Variants in SPIDR observed in about 807,000 individuals in gnomAD.
SPIDR encodes scaffold protein involved in DNA repair.
SPIDR carries 93 observed loss-of-function variants against 104.6 expected under a neutral mutation model. The ratio of observed to expected loss-of-function variants is 0.89; its 90% confidence interval spans 0.75 to 1.06. SPIDR has a LOEUF of 1.06. Among genes scored for constraint, SPIDR ranks in the 50% least tolerant of loss-of-function variants. SPIDR has a pLI of 0.00. For synonymous variants in SPIDR, 431 were observed against 416.9 expected, an observed-to-expected ratio of 1.03 and a Z score of -0.41; for missense variants, 1,154 against 1,111.2, an observed-to-expected ratio of 1.04 and a Z score of -0.55.
At position 47,712,815 on chromosome 8, in the gene SPIDR, G is replaced by A; in HGVS notation, c.2131G>A (p.Ala711Thr). 6.2e-7 allele frequency: 1 copy of A among 1,614,100 alleles called. No individual in the cohort carries two copies. Among genetic ancestry groups the A allele is most frequent in the Non-Finnish European group, 8.5e-7 (1 of 1,180,028 alleles). The change falls in exon 15 of 20, where the codon GCA becomes ACA. Residue 711 changes from alanine to threonine, a missense_variant. Ala to Thr is a moderately conservative substitution (Grantham distance 58). Coordinates refer to ENST00000297423, the MANE Select transcript of SPIDR (RefSeq NM_001080394.4). ...TGTGCTGGGCTCTGAAGTCCTGGAG[G>A]CACTCGCTGGGGCTGCCCCTCACAG... is the stretch of plus-strand genomic sequence containing the variant. ...LCVLGSEVLE[A>T]LAGAAPHSLF...
At chr8:47,733,991 G>A (rs1305232609) in intron 19 of SPIDR, among the ~76,000 whole-genome samples, 8 of 152,248 alleles carry the variant, frequency 5.3e-5, no homozygotes, top group East Asian at 1.9e-4. Flanking sequence ...GTCCCCCCAC[G>A]AGTTGGCGTC....
intron 8 of SPIDR, among the ~76,000 whole-genome samples, chr8:47,481,576 A>G (rs782739303): frequency 6.6e-6 from 1 of 152,206 alleles, no homozygotes; most frequent in Non-Finnish European, 1.5e-5. Context: ...GGGAGGCTCC[A>G]TCAGGGCACT....
At chr8:47,267,685 T>C (rs2034383348) in intron 1 of SPIDR, among the ~76,000 whole-genome samples, 1 of 152,222 alleles carries the variant, frequency 6.6e-6, no homozygotes, top group Non-Finnish European at 1.5e-5. Context: ...TGGCTGCGTT[T>C]TCATTGGGTT....
chr8:47,545,383 T>C (rs2089174685), intron 8 of SPIDR, among the ~76,000 whole-genome samples: 1 of 152,082 alleles, frequency 6.6e-6, no homozygotes, highest in Admixed American at 6.6e-5. Context: ...TTTCTTTCTT[T>C]TTCTAAAATT....
intron 5 of SPIDR, among the ~76,000 whole-genome samples, chr8:47,351,329 T>G (rs1414598142): frequency 1.3e-5 from 2 of 152,252 alleles, no homozygotes; most frequent in East Asian, 1.9e-4. Flanking sequence ...CAGAATTGAT[T>G]ATTATTTTGA....
At chr8:47,734,158 G>A (rs1263096033) in intron 19 of SPIDR, among the ~76,000 whole-genome samples, 6 of 152,178 alleles carry the variant, frequency 3.9e-5, no homozygotes, top group African/African-American at 1.4e-4. Context: ...GTGCCCCCAA[G>A]GCCGGTGGGA....
chr8:47,481,246 G>T (rs1554726829), intron 8 of SPIDR, among the ~76,000 whole-genome samples: 1 of 152,172 alleles, frequency 6.6e-6, no homozygotes, highest in Non-Finnish European at 1.5e-5. Context: ...GTTTTGTATT[G>T]TATGAGAGAG....
At chr8:47,489,403 A>G (rs1338098917) in intron 8 of SPIDR, among the ~76,000 whole-genome samples, 6 of 152,226 alleles carry the variant, frequency 3.9e-5, no homozygotes, top group South Asian at 2.1e-4. Flanking sequence ...GGAAGAATCA[A>G]TATTGGGAAA....
In SPIDR at chr8:47,616,909, A is replaced by G. The variant is rs556198574; in HGVS notation, c.1544+17713A>G. On this transcript the variant is annotated intron_variant, in intron 10 of 19. Coordinates refer to ENST00000297423, the MANE Select transcript of SPIDR (RefSeq NM_001080394.4). ...TGCAGCACCCCATTCGTGATAGCAC[A>G]TTACATCTCATTGTCATGTCTCCTT... is the stretch of plus-strand genomic sequence containing the variant. Among the ~76,000 whole-genome samples, 85 of 152,340 alleles carry G rather than the reference A, an allele frequency of 5.6e-4. 1 individual carries two copies. Among genetic ancestry groups the G allele is most frequent in the African/African-American group, 2.0e-3 (82 of 41,580 alleles).
chr8:47,442,488 G>C (rs980141253), intron 8 of SPIDR, among the ~76,000 whole-genome samples: 1 of 152,160 alleles, frequency 6.6e-6, no homozygotes, highest in Non-Finnish European at 1.5e-5. Flanking sequence ...GGCTTTAAAG[G>C]TAGTGTCTGG....
Position 47,440,322 on chromosome 8 carries a change from G to T in SPIDR, c.878-1G>T. ...GCTTTGTTCTTTTCTTCAACTTCTA[G>T]GTAGAAAATCTGGTGTATTAACTGT... On this transcript the variant is annotated splice_acceptor_variant, in intron 7 of 19. Transcript: ENST00000297423. LOFTEE classifies it high-confidence loss of function. 6.2e-7 allele frequency: 1 copy of T among 1,613,174 alleles called. No individual in the cohort carries two copies. Among genetic ancestry groups the T allele is most frequent in the Non-Finnish European group, 8.5e-7 (1 of 1,179,210 alleles).
intron 8 of SPIDR, among the ~76,000 whole-genome samples, chr8:47,563,064 G>T (rs1247453321): frequency 6.7e-6 from 1 of 149,908 alleles, no homozygotes; most frequent in Non-Finnish European, 1.5e-5. Context: ...GTCAATGAAG[G>T]AAAGAAATAA....
intron 8 of SPIDR, among the ~76,000 whole-genome samples, chr8:47,480,728 A>G (rs1047158663): frequency 2.5e-4 from 38 of 152,226 alleles, no homozygotes; most frequent in African/African-American, 8.7e-4. Flanking sequence ...AGTCTGGAAA[A>G]GGCACAGCAT....
At chr8:47,335,240 G>A (rs918452902) in intron 5 of SPIDR, among the ~76,000 whole-genome samples, 6 of 152,014 alleles carry the variant, frequency 3.9e-5, no homozygotes, top group African/African-American at 1.4e-4. Flanking sequence ...CTGAATTTCC[G>A]ACCTATATTA....
intron 8 of SPIDR, among the ~76,000 whole-genome samples, chr8:47,491,153 T>C (rs1554739142): frequency 6.6e-6 from 1 of 152,166 alleles, no homozygotes; most frequent in Non-Finnish European, 1.5e-5. Context: ...ACAGAAGTTG[T>C]TAAAACAGTA....
chr8:47,713,039 G>T lies in SPIDR; in HGVS notation c.2188+167G>T, dbSNP rs910843762. On this transcript the variant is annotated intron_variant, in intron 15 of 19. Coordinates refer to ENST00000297423, the MANE Select transcript of SPIDR (RefSeq NM_001080394.4). ...CCAGCCTCCAGCCTTCACTGACCCT[G>T]TAGCAGCCACCTGGGCAGAACCAGC... 2.2e-6 allele frequency: 3 copies of T among 1,388,308 alleles called. No individual in the cohort carries two copies. The African/African-American group carries it at 4.4e-5, about 20-fold the overall frequency. 86.0% of individuals were successfully genotyped at this position (1,388,308 alleles called of 1,614,324 possible).
intron 6 of SPIDR, among the ~76,000 whole-genome samples, chr8:47,403,822 T>A (rs1033979395): frequency 4.6e-5 from 7 of 152,162 alleles, no homozygotes; most frequent in African/African-American, 1.7e-4. Context: ...AAGCTACCAA[T>A]GACTTTCTTC....
intron 7 of SPIDR, among the ~76,000 whole-genome samples, chr8:47,430,970 T>C (rs1563954214): frequency 2.0e-5 from 3 of 152,172 alleles, no homozygotes; most frequent in Admixed American, 6.5e-5. Flanking sequence ...TCAGTGTCAG[T>C]GTGTGTGTTG....
intron 5 of SPIDR, among the ~76,000 whole-genome samples, chr8:47,362,803 C>T (rs2056331219): frequency 6.6e-6 from 1 of 152,158 alleles, no homozygotes; most frequent in East Asian, 1.9e-4. Context: ...GCATGTGCCA[C>T]CATGCCCGGC....
Sources: gnomAD v4.1 joint callset for allele counts (sites outside exome capture counted in the v4.1 genomes callset) on GRCh38, gnomAD v4.1.1 for gene constraint, MANE v1.5 for transcripts, NCBI Gene and HGNC (gene_info 2026-07-23, HGNC 2026-07-21) for gene names.